Variants in RNGTT observed in about 807,000 individuals in gnomAD.
RNGTT encodes the protein RNA guanylyltransferase and 5'-phosphatase.
RNGTT carries 33 observed loss-of-function variants against 79.3 expected under a neutral mutation model. The observed-to-expected ratio is 0.42, with a 90% CI of 0.32 to 0.56. The LOEUF (loss-of-function observed/expected upper bound fraction) is 0.56. RNGTT is among the 20% of genes least tolerant of loss of function. RNGTT has a pLI of 0.17. For synonymous variants in RNGTT, 222 were observed against 235.9 expected, an observed-to-expected ratio of 0.94 and a Z score of 0.54; for missense variants, 497 against 739.1, an observed-to-expected ratio of 0.67 and a Z score of 3.80.
chr6:88,797,652 T>C (rs936796500), intron 12 of RNGTT, among the ~76,000 whole-genome samples: 2 of 151,980 alleles, frequency 1.3e-5, no homozygotes, highest in African/African-American at 2.4e-5. Flanking sequence ...ATATTCCTAA[T>C]GCTAGATGAC....
At chr6:88,756,121 G>A (rs1000397096) in intron 13 of RNGTT, among the ~76,000 whole-genome samples, 1 of 152,006 alleles carries the variant, frequency 6.6e-6, no homozygotes, top group East Asian at 1.9e-4. Flanking sequence ...TTAACAAAGA[G>A]GAAAATGCAA....
chr6:88,657,195 G>A (rs1305339116), intron 14 of RNGTT, among the ~76,000 whole-genome samples: 1 of 151,850 alleles, frequency 6.6e-6, no homozygotes. Context: ...AAAAAACTGT[G>A]AGTTCCCAAA....
intron 13 of RNGTT, among the ~76,000 whole-genome samples, chr6:88,717,777 C>G (rs1776570425): frequency 2.6e-5 from 4 of 152,084 alleles, no homozygotes; most frequent in Admixed American, 2.6e-4. Context: ...CCACTCCACT[C>G]TAGCTAACCA....
At chr6:88,868,910 G>A (rs1228687594) in intron 8 of RNGTT, among the ~76,000 whole-genome samples, 2 of 152,044 alleles carry the variant, frequency 1.3e-5, no homozygotes, top group East Asian at 3.9e-4. Flanking sequence ...AAATTTTACT[G>A]AAAGGGATTT....
intron 8 of RNGTT, among the ~76,000 whole-genome samples, chr6:88,888,189 G>C (rs1287693856): frequency 6.6e-6 from 1 of 151,934 alleles, no homozygotes; most frequent in African/African-American, 2.4e-5. Context: ...ACTCCTAAGA[G>C]GTTAAATGTA....
At chr6:88,935,289 T>C (rs898889643) in intron 2 of RNGTT, among the ~76,000 whole-genome samples, 1 of 152,240 alleles carries the variant, frequency 6.6e-6, no homozygotes, top group African/African-American at 2.4e-5. Flanking sequence ...AGTCTGTTTT[T>C]ACACCAATGC....
At chr6:88,801,479 T>C (rs1376938602) in intron 12 of RNGTT, 85 bp downstream of exon 12, 4 of 986,032 alleles carry the variant, frequency 4.1e-6, no homozygotes, top group Admixed American at 4.0e-5. Flanking sequence ...GAGGCATACA[T>C]GTGTATGTGT....
chr6:88,827,701 TG>T (rs1780717878), intron 11 of RNGTT, among the ~76,000 whole-genome samples: 1 of 151,986 alleles, frequency 6.6e-6, no homozygotes, highest in Non-Finnish European at 1.5e-5. Flanking sequence ...TGGAGCTTGG[TG>T]GGGGGAGGGG....
At chr6:88,702,128 T>C (rs1223160266) in intron 13 of RNGTT, among the ~76,000 whole-genome samples, 1 of 152,146 alleles carries the variant, frequency 6.6e-6, no homozygotes, top group East Asian at 1.9e-4. Context: ...ATCATTAAAA[T>C]GGCCATACTG....
intron 13 of RNGTT, among the ~76,000 whole-genome samples, chr6:88,703,875 T>C (rs1776026884): frequency 6.6e-6 from 1 of 152,138 alleles, no homozygotes; most frequent in Non-Finnish European, 1.5e-5. Flanking sequence ...CACCTTAAGC[T>C]TGGCAAGCTT....
chr6:88,805,007 T>C (rs954055998), intron 11 of RNGTT, among the ~76,000 whole-genome samples: 5 of 152,172 alleles, frequency 3.3e-5, no homozygotes, highest in African/African-American at 9.7e-5. Context: ...CTTTAAAAGG[T>C]TGGTTTAAGA....
chr6:88,623,211 A>G (rs1393549897), intron 14 of RNGTT, among the ~76,000 whole-genome samples: 1 of 152,010 alleles, frequency 6.6e-6, no homozygotes, highest in East Asian at 1.9e-4. Flanking sequence ...GGTAAAAAAG[A>G]TCTTATGATC....
At chr6:88,853,357 T>C (rs1781733539) in intron 9 of RNGTT, among the ~76,000 whole-genome samples, 3 of 151,932 alleles carry the variant, frequency 2.0e-5, no homozygotes, top group Admixed American at 2.0e-4. Context: ...ATCCAAAAAT[T>C]AGCCGGGCGT....
intron 1 of RNGTT, among the ~76,000 whole-genome samples, chr6:88,949,186 A>AAAAAAAAC (rs1785158348): frequency 6.9e-6 from 1 of 145,300 alleles, no homozygotes; most frequent in Non-Finnish European, 1.5e-5. Flanking sequence ...AAAGAAAATG[A>AAAAAAAAC]AAAGCTCTTG....
chr6:88,698,708 AT>A (rs1336151881), intron 13 of RNGTT, among the ~76,000 whole-genome samples: 2 of 152,164 alleles, frequency 1.3e-5, no homozygotes, highest in African/African-American at 2.4e-5. Flanking sequence ...AGAAGGCTAT[AT>A]TGTCAGTCTT....
chr6:88,833,879 G>A (rs1025897495), intron 11 of RNGTT, among the ~76,000 whole-genome samples: 6 of 152,192 alleles, frequency 3.9e-5, no homozygotes, highest in Admixed American at 6.5e-5. Context: ...AAAATTAGCC[G>A]GGTGTGGTGG....
intron 8 of RNGTT, among the ~76,000 whole-genome samples, chr6:88,854,541 A>G (rs927581167): frequency 2.6e-5 from 4 of 152,216 alleles, no homozygotes; most frequent in Non-Finnish European, 5.9e-5. Flanking sequence ...CAGACTTTAA[A>G]TTATCCAGTG....
At chr6:88,918,466 C>T (rs1383479461) in intron 4 of RNGTT, among the ~76,000 whole-genome samples, 2 of 151,896 alleles carry the variant, frequency 1.3e-5, no homozygotes, top group Middle Eastern at 3.2e-3. Flanking sequence ...AAGAAGGGTA[C>T]GGGGTTTTTT....
chr6:88,885,755 T>C (rs759439127), intron 8 of RNGTT, among the ~76,000 whole-genome samples: 2 of 152,136 alleles, frequency 1.3e-5, no homozygotes, highest in Non-Finnish European at 2.9e-5. Flanking sequence ...AATAAAATAA[T>C]AAACAGAAAT....
Sources: gnomAD v4.1 joint callset for allele counts (sites outside exome capture counted in the v4.1 genomes callset) on GRCh38, gnomAD v4.1.1 for gene constraint, MANE v1.5 for transcripts, NCBI Gene and HGNC (gene_info 2026-07-23, HGNC 2026-07-21) for gene names.